Variants in MACROH2A1 observed in about 807,000 individuals in gnomAD.
MACROH2A1 encodes core histone macro-H2A.1.
In MACROH2A1, 2 loss-of-function variants were observed where a neutral mutation model predicts 31.6. The ratio of observed to expected loss-of-function variants is 0.06; its 90% CI spans 0.03 to 0.20. The LOEUF (loss-of-function observed/expected upper bound fraction) is 0.20. Ranked by LOEUF, MACROH2A1 falls within the 10% of genes least tolerant of loss-of-function variation. The pLI is 1.00. For missense variants in MACROH2A1, 230 were observed against 474.0 expected, an observed-to-expected ratio of 0.49 and a Z score of 4.78; for synonymous variants, 169 against 189.6, an observed-to-expected ratio of 0.89 and a Z score of 0.89.
At chr5:135,338,027 TA>T in intron 8 of MACROH2A1, 1 of 1,154,808 alleles carries the variant, frequency 8.7e-7, no homozygotes, top group South Asian at 1.8e-5. Flanking sequence ...ACGGCTTTCC[TA>T]ACGTTTTCTG....
chr5:135,363,867 T>A (rs546796314), intron 4 of MACROH2A1, among the ~76,000 whole-genome samples: 1 of 152,372 alleles, frequency 6.6e-6, no homozygotes, highest in South Asian at 2.1e-4. Context: ...ATCACCATTC[T>A]AACTGGTGTG....
At chr5:135,377,333 T>C (rs1019174319) in intron 2 of MACROH2A1, among the ~76,000 whole-genome samples, 5 of 152,250 alleles carry the variant, frequency 3.3e-5, no homozygotes, top group Non-Finnish European at 7.3e-5. Context: ...ATGGTTAATA[T>C]GTATGTTTGT....
chr5:135,348,487 A>G (rs1012439351), intron 6 of MACROH2A1, among the ~76,000 whole-genome samples: 1 of 152,270 alleles, frequency 6.6e-6, no homozygotes, highest in African/African-American at 2.4e-5. Flanking sequence ...TTTGATGGGT[A>G]AAAGTTAATC....
Position 135,369,333 on chromosome 5 carries a change from G to C in MACROH2A1, c.477+73C>G, listed in dbSNP as rs1311669327. 5 of 1,216,382 alleles carry C rather than the reference G, an allele frequency of 4.1e-6. No individual in the cohort carries two copies. The highest frequency in any genetic ancestry group is 3.7e-5 in the South Asian group (3 of 81,188). The allele number at this position is 1,216,382 out of a possible 1,614,324, so 75.3% of individuals were successfully genotyped here. ...GGATGAGCCCACAGGGGGAATGAGG[G>C]GGGTGCCCTGGTAACCCTGTTTATC... On this transcript the variant is annotated intron_variant, in intron 4 of 8. Transcript: ENST00000511689. The surrounding 1 kb of genome is among the most constrained non-coding windows in gnomAD (Gnocchi z 4.3).
At chr5:135,343,012 TG>T in intron 8 of MACROH2A1, 1 of 768,708 alleles carries the variant, frequency 1.3e-6, no homozygotes, top group Non-Finnish European at 2.0e-6. Flanking sequence ...CAGTACACAC[TG>T]GGTTCCCCTT....
chr5:135,368,312 T>C (rs1352732734), intron 4 of MACROH2A1, among the ~76,000 whole-genome samples: 1 of 152,194 alleles, frequency 6.6e-6, no homozygotes, highest in Non-Finnish European at 1.5e-5. Flanking sequence ...CAGGAGGAGC[T>C]CTGTTCACCT....
intron 6 of MACROH2A1, chr5:135,346,612 G>A (rs1760874942): frequency 6.6e-6 from 1 of 152,454 alleles, no homozygotes; most frequent in African/African-American, 2.4e-5. Flanking sequence ...TGCAGCTTTG[G>A]TGTCATATGC....
At chr5:135,377,063 C>T (rs1200320777) in intron 2 of MACROH2A1, among the ~76,000 whole-genome samples, 2 of 152,250 alleles carry the variant, frequency 1.3e-5, no homozygotes, top group Admixed American at 6.5e-5. Context: ...TGCTGCCAGA[C>T]CTGCCTTGAT....
At chr5:135,362,279 G>C (rs957062341) in intron 4 of MACROH2A1, 1 of 152,196 alleles carries the variant, frequency 6.6e-6, no homozygotes, top group African/African-American at 2.4e-5. Flanking sequence ...GTGACCATGT[G>C]TACCACGGTT....
At chr5:135,390,977 C>T (rs1767154393) in intron 1 of MACROH2A1, among the ~76,000 whole-genome samples, 1 of 152,200 alleles carries the variant, frequency 6.6e-6, no homozygotes, top group Non-Finnish European at 1.5e-5. Flanking sequence ...GTCATGAGCG[C>T]CCTGTCAAGG....
chr5:135,384,225 C>T (rs1215528727), intron 2 of MACROH2A1, among the ~76,000 whole-genome samples: 2 of 152,186 alleles, frequency 1.3e-5, no homozygotes, highest in African/African-American at 4.8e-5. Context: ...TCTCTACCCA[C>T]TTCTAGGAGA....
At chr5:135,359,333 T>C (rs778766246) in intron 5 of MACROH2A1, 32 of 985,068 alleles carry the variant, frequency 3.2e-5, no homozygotes, top group African/African-American at 3.5e-5. Flanking sequence ...GGGGTGAAAG[T>C]AGACCCAGGC....
chr5:135,364,756 A>C (rs1002793672), intron 4 of MACROH2A1, among the ~76,000 whole-genome samples: 1 of 152,224 alleles, frequency 6.6e-6, no homozygotes, highest in Non-Finnish European at 1.5e-5. Flanking sequence ...ACAACCTAAA[A>C]TTTCAATAGA....
intron 7 of MACROH2A1, chr5:135,344,410 T>C (rs1236226344): frequency 1.3e-5 from 2 of 152,196 alleles, no homozygotes; most frequent in African/African-American, 4.8e-5. Context: ...CCAAGGGGTA[T>C]GGTTTGTTAT....
chr5:135,369,241 G>C lies in MACROH2A1; in HGVS notation c.477+165C>G. 1 of 693,548 alleles carries C rather than the reference G, an allele frequency of 1.4e-6. No individual in the cohort carries two copies. The allele number at this position is 693,548 out of a possible 1,614,324, so 43.0% of individuals were successfully genotyped here. ...GAGGGCCTCCTGACTCTGGCTACTT[G>C]TGTTGGACTAGCCCCTCTGGAGAGT... On this transcript the variant is annotated intron_variant, in intron 4 of 8. Transcript: ENST00000511689. The surrounding 1 kb of genome is among the most constrained non-coding windows in gnomAD (Gnocchi z 4.3).
At chr5:135,385,074 A>AGGGGCCTTTGGAAGGCAG in intron 2 of MACROH2A1, among the ~76,000 whole-genome samples, 1 of 152,188 alleles carries the variant, frequency 6.6e-6, no homozygotes, top group Admixed American at 6.5e-5. Context: ...TCTCTCCCAC[A>AGGGGCCTTTGGAAGGCAG]GGGGCCTTTG....
intron 2 of MACROH2A1, 49 bp from the exon 3 acceptor site, chr5:135,370,191 C>T (rs372407230): frequency 1.1e-4 from 130 of 1,191,206 alleles, no homozygotes; most frequent in Non-Finnish European, 4.9e-5. Flanking sequence ...GACCATGTGT[C>T]CCCGCCCCGG....
At chr5:135,371,726 A>G (rs1764195909) in intron 2 of MACROH2A1, among the ~76,000 whole-genome samples, 1 of 152,190 alleles carries the variant, frequency 6.6e-6, no homozygotes, top group East Asian at 1.9e-4. Flanking sequence ...TTCTGCCCAC[A>G]CTGGGATGTC....
chr5:135,392,637 C>T (rs1767403027), intron 1 of MACROH2A1, among the ~76,000 whole-genome samples: 4 of 152,188 alleles, frequency 2.6e-5, no homozygotes, highest in Admixed American at 2.6e-4. Context: ...GTGCCAGGTC[C>T]ATCCTGCTCT....
Sources: allele counts gnomAD v4.1 joint callset (sites outside exome capture counted in the v4.1 genomes callset), GRCh38; gene constraint gnomAD v4.1.1; non-coding constraint Gnocchi (gnomAD v3.1); transcripts MANE v1.5; gene names NCBI Gene and HGNC (gene_info 2026-07-23, HGNC 2026-07-21).